TONSL: variants seen among roughly 807,000 people sequenced by gnomAD.
TONSL encodes the protein tonsoku like, DNA repair protein.
TONSL carries 112 observed loss-of-function variants against 147.1 expected under a neutral mutation model. The ratio of observed to expected loss-of-function variants is 0.76; its 90% confidence interval spans 0.65 to 0.89. The LOEUF is 0.89. Ranked by LOEUF, TONSL falls within the 40% of genes least tolerant of loss-of-function variation. The probability of loss-of-function intolerance (pLI) is 0.00; values close to 1 mark genes in which losing one functional copy is unlikely to be tolerated. For missense variants in TONSL, 1,883 were observed against 1,864.6 expected (o/e 1.01, Z -0.18); for synonymous variants, 868 against 801.5 (o/e 1.08, Z -1.40).
intron 19 of TONSL, 34 bp from the exon 20 acceptor site, chr8:144,434,923 C>T (rs1564728589): frequency 5.6e-6 from 9 of 1,612,314 alleles, no homozygotes; most frequent in East Asian, 2.2e-5. Flanking sequence ...CCTGGGGGCT[C>T]CCCCGGCTCA....
intron 25 of TONSL, among the ~76,000 whole-genome samples, chr8:144,429,582 G>A (rs1554878199): frequency 6.6e-6 from 1 of 152,150 alleles, no homozygotes; most frequent in East Asian, 1.9e-4. Context: ...CGATCTCAAA[G>A]TCCATGCCTA....
At chr8:144,438,783 G>C in intron 11 of TONSL, 48 bp from the exon 12 acceptor site, 2 of 1,581,914 alleles carry the variant, frequency 1.3e-6, no homozygotes, top group Non-Finnish European at 1.7e-6. Context: ...GGAGGTGAAG[G>C]TTAGCAGCCC....
At chr8:144,432,502 C>A in intron 22 of TONSL, 42 bp from the exon 23 acceptor site, 1 of 1,472,422 alleles carries the variant, frequency 6.8e-7, no homozygotes, top group African/African-American at 1.4e-5. Flanking sequence ...GTGGCCACAG[C>A]CCTGTACCCA....
chr8:144,435,272 T>G (rs1823394185), intron 18 of TONSL, 102 bp from the exon 19 acceptor site: 4 of 1,410,584 alleles, frequency 2.8e-6, no homozygotes, highest in Admixed American at 2.9e-5. Flanking sequence ...CTCAGCTGCT[T>G]CTCCCATTCC....
rs748294730 is a variant in TONSL at position 144,440,216 on chromosome 8, G to A, written c.1291-6C>T. Reference sequence around the variant, plus strand: ...AGATGCTGCAAGACCTGCCTCTGAGGAGCAGAGGGATGCTCAGCTCAGGAC... The same window carrying A: ...AGATGCTGCAAGACCTGCCTCTGAGAAGCAGAGGGATGCTCAGCTCAGGAC... On this transcript the variant is annotated splice_region_variant and splice_polypyrimidine_tract_variant and intron_variant, in intron 10 of 25. Transcript: ENST00000409379. 5 of 1,586,772 alleles carry A rather than the reference G, an allele frequency of 3.2e-6. No individual in the cohort carries two copies. Among genetic ancestry groups the A allele is most frequent in the East Asian group, 4.5e-5 (2 of 44,526 alleles).
intron 4 of TONSL, 136 bp from the exon 5 acceptor site, chr8:144,442,942 A>T (rs1823776051): frequency 3.1e-6 from 4 of 1,310,550 alleles, no homozygotes; most frequent in Non-Finnish European, 4.1e-6. Flanking sequence ...GTCCTGCGGC[A>T]GATGGAGCAC....
At chr8:144,442,936 TGCG>T (rs1823775803) in intron 4 of TONSL, 130 bp from the exon 5 acceptor site, 1 of 1,332,396 alleles carries the variant, frequency 7.5e-7, no homozygotes, top group African/African-American at 1.5e-5. Flanking sequence ...GCAAGTGTCC[TGCG>T]GCAGATGGAG....
chr8:144,431,545 CGCTCTGTCGCCCAGG>C (rs576689813), intron 23 of TONSL, among the ~76,000 whole-genome samples: 3 of 151,852 alleles, frequency 2.0e-5, no homozygotes, highest in African/African-American at 7.2e-5. Flanking sequence ...GACAGAGTCT[CGCTCTGTCGCCCAGG>C]GTGGAGTGCG....
intron 13 of TONSL, 56 bp from the exon 14 acceptor site, chr8:144,437,155 G>A (rs1823499597): frequency 2.6e-6 from 4 of 1,555,206 alleles, no homozygotes; most frequent in Non-Finnish European, 3.5e-6. Context: ...CCTGGCCCCA[G>A]CCCCGTGAGC....
At chr8:144,437,245 C>T (rs2129652671) in intron 13 of TONSL, 146 bp from the exon 14 acceptor site, 1 of 745,458 alleles carries the variant, frequency 1.3e-6, no homozygotes. Context: ...CTCCTCCGGC[C>T]TAGGTGTCAC....
Position 144,432,298 on chromosome 8 carries a change from C to G in TONSL, c.3722G>C (p.Arg1241Pro), listed in dbSNP as rs1179072396. The change falls in exon 23 of 26, where the codon CGA becomes CCA. Residue 1241 changes from arginine (R) to proline (P), a missense_variant. Physicochemically the swap from Arg to Pro is moderately radical, Grantham distance 103. Transcript: ENST00000409379. ...CCCACCTCGTACCTTGGCCAGGTATCGGAATACAGGCTCCATGAGGTCCGA... is the reference window on the plus strand; with the variant it reads ...CCCACCTCGTACCTTGGCCAGGTATGGGAATACAGGCTCCATGAGGTCCGA... Reference protein sequence around the residue: ...GDSDLMEPVFRYLAKEGCALA... With the variant: ...GDSDLMEPVFPYLAKEGCALA... 2.5e-6 allele frequency: 4 copies of G among 1,613,610 alleles called. No individual in the cohort carries two copies. Among genetic ancestry groups the G allele is most frequent in the African/African-American group, 2.7e-5 (2 of 74,914 alleles).
Position 144,438,713 on chromosome 8 carries a change from G to A in TONSL, c.1503C>T (p.Thr501=), listed in dbSNP as rs778168189. The A allele has an allele frequency of 1.9e-6, 3 of 1,613,206 alleles. No individual in the cohort carries two copies. The highest frequency in any genetic ancestry group is 2.5e-6 in the Non-Finnish European group (3 of 1,179,922). Residue 501 remains threonine, a synonymous_variant, in exon 12 of 26, where the codon ACC becomes ACT. Coordinates refer to ENST00000409379, the MANE Select transcript of TONSL (RefSeq NM_013432.5). ...GCTCCTCGTCCTCCTCCAGCTGCGG[G>A]GTCAGGCCATCGGTGTCGTCCTCTG... ...SEGEDDTDGL[T]PQLEEDEELQ... is the part of the protein sequence containing the mutation.
At chr8:144,430,274 A>G in intron 25 of TONSL, 130 bp downstream of exon 25, 1 of 1,151,174 alleles carries the variant, frequency 8.7e-7, no homozygotes, top group Non-Finnish European at 1.2e-6. Context: ...CTGCTGCCCC[A>G]GCCTCATGGA....
At chr8:144,430,755 T>C (rs1823154292) in intron 24 of TONSL, among the ~76,000 whole-genome samples, 1 of 152,180 alleles carries the variant, frequency 6.6e-6, no homozygotes, top group Non-Finnish European at 1.5e-5. Flanking sequence ...CTGGCCCAGC[T>C]TGGGCTCCTC....
intron 24 of TONSL, 136 bp downstream of exon 24, chr8:144,430,942 T>G (rs1554878516): frequency 2.2e-4 from 227 of 1,018,472 alleles, no homozygotes; most frequent in African/African-American, 3.2e-5. Flanking sequence ...GAGAGGCTGG[T>G]GGAAACCGAA....
chr8:144,438,858 CTGAGG>C, intron 11 of TONSL, 123 bp from the exon 12 acceptor site: 1 of 1,000,504 alleles, frequency 1.0e-6, no homozygotes. Flanking sequence ...GGGCTGAGCT[CTGAGG>C]CTGCTGGGCT....
In TONSL at chr8:144,436,951, C is replaced by T. The variant is rs2721139; in HGVS notation, c.1727-31G>A. On this transcript the variant is annotated intron_variant, in intron 14 of 25. Coordinates refer to ENST00000409379, the MANE Select transcript of TONSL (RefSeq NM_013432.5). ...GACCAGGAGACGTAAGCCCAGCTCC[C>T]GATGCCCCGCCAGGACTGACTCTTC... 1,676 of 1,611,002 alleles carry T rather than the reference C, an allele frequency of 1.0e-3. 29 individuals are homozygous for T. In the African/African-American group the frequency reaches 0.02, roughly 19 times the overall value.
chr8:144,432,326 C>T lies in TONSL; in HGVS notation c.3694G>A (p.Asp1232Asn). 1 of 1,613,762 alleles carries T rather than the reference C, an allele frequency of 6.2e-7. No homozygotes were observed. The highest frequency in any genetic ancestry group is 8.5e-7 in the Non-Finnish European group (1 of 1,179,942). Residue 1232 changes from aspartate (D) to asparagine (N), a missense_variant, in exon 23 of 26, where the codon GAT becomes AAT. By Grantham distance (23) the Asp-to-Asn change is conservative (BLOSUM62 1). Coordinates refer to ENST00000409379, the MANE Select transcript of TONSL (RefSeq NM_013432.5). ...ELSSVAAGKG[D>N]SDLMEPVFRY... ...AATACAGGCTCCATGAGGTCCGAAT[C>T]ACCCTTGCCGGCTGCCACGGAGCTG...
chr8:144,436,092 C>T lies in TONSL; in HGVS notation c.2341G>A (p.Glu781Lys). 5 of 1,568,090 alleles carry T rather than the reference C, an allele frequency of 3.2e-6. No homozygotes were observed. The highest frequency in any genetic ancestry group is 4.3e-6 in the Non-Finnish European group (5 of 1,164,326). The change falls in exon 17 of 26, where the codon GAA becomes AAA. Residue 781 changes from glutamate (E) to lysine (K), a missense_variant. Physicochemically the swap from Glu to Lys is moderately conservative, Grantham distance 56. Transcript: ENST00000409379. ...CGGCTGGTGCTGGCTGTGGCTGCTT[C>T]CCTGTTGCTGGCGGGGCCAGGCGTC... is the stretch of plus-strand genomic sequence containing the variant. ...AWTPGPASNR[E>K]AATASTSRAA...
Sources: allele counts gnomAD v4.1 joint callset (sites outside exome capture counted in the v4.1 genomes callset), GRCh38; gene constraint gnomAD v4.1.1; transcripts MANE v1.5; gene names NCBI Gene and HGNC (gene_info 2026-07-23, HGNC 2026-07-21).